TENM2: variants seen among roughly 807,000 people sequenced by gnomAD.
TENM2 encodes teneurin-2.
Under a neutral mutation model 245.2 loss-of-function variants are expected in TENM2, and 52 were observed. That is an observed-to-expected ratio of 0.21 (90% confidence interval 0.17 to 0.27). TENM2 has a LOEUF of 0.27. Ranked by LOEUF, TENM2 falls within the 10% of genes least tolerant of loss-of-function variation. The pLI is 1.00. For missense variants in TENM2, 3,046 were observed against 3,666.8 expected, an observed-to-expected ratio of 0.83 and a Z score of 4.37; for synonymous variants, 1,363 against 1,438.9, an observed-to-expected ratio of 0.95 and a Z score of 1.19.
At chr5:168,139,378 A>C (rs1427893144) in intron 12 of TENM2, 1 of 430,732 alleles carries the variant, frequency 2.3e-6, no homozygotes, top group East Asian at 7.0e-5. Flanking sequence ...TCTCTTAGCT[A>C]TATCTATTTT....
intron 2 of TENM2, among the ~76,000 whole-genome samples, chr5:167,671,174 T>A (rs1755918315): frequency 6.6e-6 from 1 of 152,122 alleles, no homozygotes; most frequent in African/African-American, 2.4e-5. Flanking sequence ...CCCCACCCCA[T>A]AGTTCCGTAG....
chr5:168,059,784 C>A (rs1214933848), intron 6 of TENM2, among the ~76,000 whole-genome samples: 1 of 152,100 alleles, frequency 6.6e-6, no homozygotes, highest in Non-Finnish European at 1.5e-5. Context: ...TTTAGCAAAA[C>A]CCCCAAATAA....
chr5:167,002,707 A>C, the TENM2 span, among the ~76,000 whole-genome samples: 1 of 151,984 alleles, frequency 6.6e-6, no homozygotes, highest in East Asian at 1.9e-4. Flanking sequence ...CAGGAGTTCA[A>C]GTCTGCAATG....
chr5:167,468,664 T>C (rs1766820577), intron 2 of TENM2, among the ~76,000 whole-genome samples: 1 of 152,214 alleles, frequency 6.6e-6, no homozygotes, highest in East Asian at 1.9e-4. Context: ...AGCAATTCTC[T>C]TTTTATGATG....
the TENM2 span, among the ~76,000 whole-genome samples, chr5:167,215,453 T>C: frequency 2.0e-5 from 3 of 152,198 alleles, no homozygotes; most frequent in Non-Finnish European, 2.9e-5. Context: ...AAAGTAAGAA[T>C]GGATCTTTGG....
chr5:167,080,876 T>C, the TENM2 span, among the ~76,000 whole-genome samples: 1 of 152,048 alleles, frequency 6.6e-6, no homozygotes, highest in Non-Finnish European at 1.5e-5. Flanking sequence ...AAAGAACACT[T>C]TTTATAAAAG....
the TENM2 span, among the ~76,000 whole-genome samples, chr5:167,235,600 C>A: frequency 6.6e-6 from 1 of 152,188 alleles, no homozygotes. Context: ...GTCTCTCCAT[C>A]TGTCTGTTCT....
chr5:167,820,998 A>G (rs1347166013), intron 2 of TENM2: 1 of 152,218 alleles, frequency 6.6e-6, no homozygotes, highest in Non-Finnish European at 1.5e-5. Flanking sequence ...GTGCAACTTA[A>G]GCCTAGTCTT....
intron 2 of TENM2, among the ~76,000 whole-genome samples, chr5:167,560,200 A>C (rs1773497871): frequency 6.6e-6 from 1 of 152,196 alleles, no homozygotes; most frequent in African/African-American, 2.4e-5. Context: ...CAAAACCTGC[A>C]TTTTAACACC....
chr5:167,817,738 G>A (rs535845001), intron 2 of TENM2, among the ~76,000 whole-genome samples: 58 of 152,272 alleles, frequency 3.8e-4, no homozygotes, highest in Admixed American at 2.6e-3. Context: ...CCAATTTGTC[G>A]GATAGTGAGA....
At chr5:168,233,304 A>G (rs1765113418) in intron 25 of TENM2, among the ~76,000 whole-genome samples, 1 of 152,154 alleles carries the variant, frequency 6.6e-6, no homozygotes, top group South Asian at 2.1e-4. Context: ...CCAGTCTGGC[A>G]GCAGAGTGAG....
chr5:167,391,728 T>C (rs10054691), intron 2 of TENM2, among the ~76,000 whole-genome samples: 26,970 of 151,818 alleles, frequency 0.18, 2,549 homozygotes, highest in Non-Finnish European at 0.19. Context: ...AAGATAGGAT[T>C]TGGGGCTTAT....
chr5:167,306,414 A>T (rs561152812), intron 1 of TENM2: 1 of 151,904 alleles, frequency 6.6e-6, no homozygotes, highest in African/African-American at 2.4e-5. Flanking sequence ...GGGGACGATG[A>T]TTTGTTTCTT....
the TENM2 span, among the ~76,000 whole-genome samples, chr5:167,114,087 C>G: frequency 6.6e-6 from 1 of 151,556 alleles, no homozygotes; most frequent in Non-Finnish European, 1.5e-5. Context: ...TATGACTGCT[C>G]CCTTCCCCAG....
chr5:167,929,400 G>T (rs1296519780), intron 3 of TENM2, among the ~76,000 whole-genome samples: 1 of 152,152 alleles, frequency 6.6e-6, no homozygotes, highest in Non-Finnish European at 1.5e-5. Flanking sequence ...CTGAGTCTAT[G>T]CAAAAGCATA....
chr5:167,514,944 G>T (rs989425834), intron 2 of TENM2, among the ~76,000 whole-genome samples: 24 of 152,272 alleles, frequency 1.6e-4, no homozygotes, highest in African/African-American at 5.5e-4. Flanking sequence ...CCGAGAGGCG[G>T]AGGTTGCGGT....
intron 13 of TENM2, among the ~76,000 whole-genome samples, chr5:168,178,757 G>T (rs1363435168): frequency 6.6e-6 from 1 of 152,224 alleles, no homozygotes; most frequent in Admixed American, 6.5e-5. Flanking sequence ...ATATATGGCT[G>T]TGACTGCTTC....
intron 25 of TENM2, among the ~76,000 whole-genome samples, chr5:168,236,967 TATATATATATATATATATATATATA>T (rs1765521182): frequency 5.7e-4 from 3 of 5,302 alleles, no homozygotes; most frequent in Non-Finnish European, 1.1e-3. Context: ...TATATATATA[TATATATATATATATATATATATATA>T]TATATATATT....
intron 2 of TENM2, among the ~76,000 whole-genome samples, chr5:167,574,223 A>T (rs1451927318): frequency 1.3e-5 from 2 of 152,314 alleles, no homozygotes; most frequent in South Asian, 4.1e-4. Flanking sequence ...TTGTATAGTA[A>T]ATGCATTTAT....
Sources: allele counts gnomAD v4.1 joint callset (sites outside exome capture counted in the v4.1 genomes callset), GRCh38; gene constraint gnomAD v4.1.1; transcripts MANE v1.5; gene names NCBI Gene and HGNC (gene_info 2026-07-23, HGNC 2026-07-21).